Variants in SYT2 observed in about 807,000 individuals in gnomAD.
SYT2 encodes the protein synaptotagmin 2, also known as synaptotagmin-2.
In SYT2, 15 loss-of-function variants were observed where a neutral mutation model predicts 39.9. That is an observed-to-expected ratio of 0.38 (90% CI 0.25 to 0.58). The LOEUF is 0.58. Among genes scored for constraint, SYT2 ranks in the 20% least tolerant of loss-of-function variants. The probability of loss-of-function intolerance (pLI) is 0.70; values close to 1 mark genes in which losing one functional copy is unlikely to be tolerated. For missense variants in SYT2, 389 were observed against 530.3 expected (o/e 0.73, Z 2.62); for synonymous variants, 181 against 204.5 (o/e 0.89, Z 0.98).
chr1:202,698,363 C>T (rs1205774819), intron 1 of SYT2, among the ~76,000 whole-genome samples: 1 of 152,128 alleles, frequency 6.6e-6, no homozygotes, highest in Non-Finnish European at 1.5e-5. Context: ...GTGTGCTCCC[C>T]ATTATGCCAG....
chr1:202,639,392 G>T, intron 1 of SYT2: 1 of 435,856 alleles, frequency 2.3e-6, no homozygotes, highest in Non-Finnish European at 3.0e-6. Context: ...TTGGATTGAG[G>T]GTCTACAAGG....
At chr1:202,658,116 G>A (rs1208203348) in intron 1 of SYT2, among the ~76,000 whole-genome samples, 1 of 152,098 alleles carries the variant, frequency 6.6e-6, no homozygotes, top group African/African-American at 2.4e-5. Context: ...AAACTAAAAG[G>A]ATTGGACTAG....
chr1:202,635,380 G>C (rs1316525309), intron 1 of SYT2, among the ~76,000 whole-genome samples: 1 of 152,176 alleles, frequency 6.6e-6, no homozygotes, highest in Non-Finnish European at 1.5e-5. Flanking sequence ...TGATGTTGAG[G>C]GGGATTTGAT....
Position 202,604,578 on chromosome 1 carries a change from G to T in SYT2, c.222C>A (p.Leu74=), listed in dbSNP as rs770281263. The T allele has an allele frequency of 6.2e-7, 1 of 1,614,160 alleles. No homozygotes were observed. The part of the protein sequence containing the change: ...ALIAIAVVAG[L]LLLTCCFCIC... Reference sequence around the variant, plus strand: ...TGCAGAAGCAGCAGGTGAGAAGCAGGAGCCCAGCAACCACAGCAATGGCGA... The same window carrying T: ...TGCAGAAGCAGCAGGTGAGAAGCAGTAGCCCAGCAACCACAGCAATGGCGA... The change falls in exon 3 of 9, where the codon CTC becomes CTA. Residue 74 remains leucine (L), a synonymous_variant. Transcript: ENST00000367268.
intron 1 of SYT2, among the ~76,000 whole-genome samples, chr1:202,651,983 G>A (rs956039302): frequency 4.6e-5 from 7 of 152,192 alleles, no homozygotes; most frequent in Non-Finnish European, 1.0e-4. Context: ...GCTTGAACCC[G>A]GGAGGCGGAG....
intron 1 of SYT2, among the ~76,000 whole-genome samples, chr1:202,621,492 C>T (rs943503136): frequency 3.3e-5 from 5 of 152,008 alleles, no homozygotes; most frequent in African/African-American, 1.2e-4. Context: ...AGACAGGGTA[C>T]CACTATGTTG....
At chr1:202,659,450 G>A (rs1168378495) in intron 1 of SYT2, among the ~76,000 whole-genome samples, 1 of 152,162 alleles carries the variant, frequency 6.6e-6, no homozygotes, top group East Asian at 1.9e-4. Flanking sequence ...AGTGACACTG[G>A]GGGCTCTTTG....
chr1:202,618,531 G>C (rs1264444945), intron 1 of SYT2, among the ~76,000 whole-genome samples: 1 of 152,150 alleles, frequency 6.6e-6, no homozygotes, highest in Non-Finnish European at 1.5e-5. Flanking sequence ...TGGGACCATA[G>C]AGAGTCAGAC....
rs535131279 is a variant in SYT2, at chr1:202,660,252, T to C, written c.-18+50006A>G. On this transcript the variant is annotated intron_variant, in intron 1 of 8. Coordinates refer to ENST00000367268, the MANE Select transcript of SYT2 (RefSeq NM_177402.5). ...ATACAAGCTGGACTTCGGTCCTGAC[T>C]ATGCTACCTTTTAGCTGCATGACAT... is the stretch of plus-strand genomic sequence containing the variant. Among the ~76,000 whole-genome samples the C allele has an allele frequency of 9.8e-5, 15 of 152,352 alleles. No individual in the cohort carries two copies. In the South Asian group the frequency reaches 1.0e-3, roughly 11 times the overall value.
chr1:202,621,321 C>A (rs367920844), intron 1 of SYT2, among the ~76,000 whole-genome samples: 3 of 152,038 alleles, frequency 2.0e-5, no homozygotes, highest in Admixed American at 2.0e-4. Context: ...TTACAGACAG[C>A]GTCTCACTCT....
At chr1:202,651,596 T>G (rs1692195003) in intron 1 of SYT2, among the ~76,000 whole-genome samples, 2 of 152,214 alleles carry the variant, frequency 1.3e-5, no homozygotes, top group South Asian at 4.1e-4. Context: ...TGGACTCAAA[T>G]GCTGGTTCAT....
At chr1:202,665,967 C>T (rs542210659) in intron 1 of SYT2, among the ~76,000 whole-genome samples, 3 of 152,198 alleles carry the variant, frequency 2.0e-5, no homozygotes, top group African/African-American at 7.2e-5. Flanking sequence ...TCCTGGCTAA[C>T]ATGGTGAAAC....
chr1:202,671,628 G>A (rs1692591799), intron 1 of SYT2, among the ~76,000 whole-genome samples: 1 of 152,220 alleles, frequency 6.6e-6, no homozygotes, highest in Non-Finnish European at 1.5e-5. Context: ...CAGCCTCCCA[G>A]GCCTAGAGAA....
At chr1:202,655,138 G>C (rs1001721279) in intron 1 of SYT2, among the ~76,000 whole-genome samples, 1 of 152,138 alleles carries the variant, frequency 6.6e-6, no homozygotes, top group African/African-American at 2.4e-5. Context: ...AAGTGGAGTC[G>C]CTGAACATGC....
intron 1 of SYT2, among the ~76,000 whole-genome samples, chr1:202,627,090 G>C (rs1691439070): frequency 6.6e-6 from 1 of 152,220 alleles, no homozygotes; most frequent in Admixed American, 6.5e-5. Context: ...GCCAGTCCAG[G>C]CTCTGTCCAG....
At chr1:202,691,934 G>T (rs1428069134) in intron 1 of SYT2, among the ~76,000 whole-genome samples, 1 of 151,938 alleles carries the variant, frequency 6.6e-6, no homozygotes, top group Non-Finnish European at 1.5e-5. Context: ...GGCATACAAG[G>T]ACACAGCTAC....
At chr1:202,651,066 CCA>C (rs1245157314) in intron 1 of SYT2, among the ~76,000 whole-genome samples, 1 of 152,024 alleles carries the variant, frequency 6.6e-6, no homozygotes, top group Non-Finnish European at 1.5e-5. Context: ...GGGCTTCTGC[CCA>C]CACAGGCAAC....
At chr1:202,691,382 T>C (rs1653812653) in intron 1 of SYT2, among the ~76,000 whole-genome samples, 1 of 152,042 alleles carries the variant, frequency 6.6e-6, no homozygotes, top group Non-Finnish European at 1.5e-5. Context: ...GCACGGTAGC[T>C]CACACCTGTA....
chr1:202,603,288 G>T (rs1572613299), intron 3 of SYT2, among the ~76,000 whole-genome samples, 170 bp from the exon 4 acceptor site: 1 of 152,114 alleles, frequency 6.6e-6, no homozygotes, highest in African/African-American at 2.4e-5. Context: ...CTCCTTCACG[G>T]CCCATCAGAA....
Sources: allele counts gnomAD v4.1 joint callset (sites outside exome capture counted in the v4.1 genomes callset), GRCh38; gene constraint gnomAD v4.1.1; transcripts MANE v1.5; gene names NCBI Gene and HGNC (gene_info 2026-07-23, HGNC 2026-07-21).